Variants in ZNF521 observed in about 807,000 individuals in gnomAD.
ZNF521 encodes the protein LYST-interacting protein 3.
In ZNF521, 14 loss-of-function variants were observed where a neutral mutation model predicts 105.5. The ratio of observed to expected loss-of-function variants is 0.13; its 90% CI spans 0.09 to 0.21. The LOEUF is 0.21. Among genes scored for constraint, ZNF521 ranks in the 10% least tolerant of loss-of-function variants. ZNF521 has a pLI of 1.00. For missense variants in ZNF521, 1,233 were observed against 1,629.7 expected (o/e 0.76, Z 4.19); for synonymous variants, 635 against 606.0 (o/e 1.05, Z -0.70).
intron 5 of ZNF521, among the ~76,000 whole-genome samples, chr18:25,167,524 T>G (rs943120889): frequency 8.5e-5 from 13 of 152,234 alleles, no homozygotes; most frequent in African/African-American, 3.1e-4. Context: ...TTTGTCTTAT[T>G]TTTGGACAAA....
At chr18:25,345,078 A>G (rs561530449) in intron 2 of ZNF521, among the ~76,000 whole-genome samples, 3 of 152,232 alleles carry the variant, frequency 2.0e-5, no homozygotes, top group Non-Finnish European at 4.4e-5. Context: ...ACTTATGTCA[A>G]CAAGTATTTA....
intron 5 of ZNF521, among the ~76,000 whole-genome samples, chr18:25,112,654 G>C (rs66702172): frequency 6.6e-6 from 1 of 151,872 alleles, no homozygotes; most frequent in Non-Finnish European, 1.5e-5. Context: ...TGTGGGGTGC[G>C]GGGGGGCAGA....
At chr18:25,082,687 A>G in intron 7 of ZNF521, 1 of 416,232 alleles carries the variant, frequency 2.4e-6, no homozygotes, top group Non-Finnish European at 4.8e-6. Context: ...ATACACACAC[A>G]AAAAATTAGC....
In ZNF521 at chr18:25,224,425, C is replaced by T. The variant is rs757573315; in HGVS notation, c.3493G>A (p.Val1165Met). The T allele has an allele frequency of 3.8e-5, 61 of 1,613,844 alleles. No individual in the cohort carries two copies. The African/African-American group carries it at 6.0e-4, about 16-fold the overall frequency. ...NHIQTIHREL[V>M]PDSNSTQLKT... The stretch of plus-strand genomic sequence containing the variant: ...AACTGTGTGCTGTTGCTGTCTGGCA[C>T]GAGCTCTCGGTGGATGGTTTGGATG... Residue 1165 changes from valine to methionine, a missense_variant, in exon 4 of 8, where the codon GTG (valine) becomes ATG (methionine). Val to Met is a conservative substitution (Grantham distance 21, BLOSUM62 1). Coordinates refer to ENST00000361524, the MANE Select transcript of ZNF521 (RefSeq NM_015461.3).
chr18:25,132,853 T>C (rs1483832312), intron 5 of ZNF521, among the ~76,000 whole-genome samples: 1 of 152,174 alleles, frequency 6.6e-6, no homozygotes, highest in African/African-American at 2.4e-5. Flanking sequence ...TTTCAACTTA[T>C]CTAGCAAGAG....
At chr18:25,092,967 T>C (rs1484114415) in intron 5 of ZNF521, among the ~76,000 whole-genome samples, 2 of 152,170 alleles carry the variant, frequency 1.3e-5, no homozygotes, top group Non-Finnish European at 2.9e-5. Flanking sequence ...AATTGTAAGG[T>C]ATAAAAAACC....
rs570875850 is a variant in ZNF521 at position 25,226,685 on chromosome 18, G to C, written c.1233C>G (p.Asn411Lys). 2.5e-6 allele frequency: 4 copies of C among 1,614,178 alleles called. No individual in the cohort carries two copies. In the South Asian group the frequency reaches 3.3e-5, roughly 13 times the overall value. The change falls in exon 4 of 8, where the codon AAC (asparagine) becomes AAG (lysine). Residue 411 changes from asparagine (N) to lysine (K), a missense_variant. Around this residue, in one of 6 missense-constraint regions of ZNF521, gnomAD observed 380 missense variants for 478.0 expected, o/e 0.80. Transcript: ENST00000361524. The surrounding 1 kb of genome is among the most constrained non-coding windows in gnomAD (Gnocchi z 4.1). ...CTGCAAGACTTGAAAATAATTGTTT[G>C]TTGCAGTAAATACAGCTGTAGGTAA... ...AKVTYSCIYC[N>K]KQLFSSLAVL...
chr18:25,277,355 T>C (rs1008364692), intron 3 of ZNF521, among the ~76,000 whole-genome samples: 1 of 152,110 alleles, frequency 6.6e-6, no homozygotes. Context: ...TCCTTTCCTA[T>C]TGCCACAAAC....
intron 3 of ZNF521, among the ~76,000 whole-genome samples, chr18:25,260,213 C>T (rs1471666071): frequency 2.0e-5 from 3 of 152,006 alleles, no homozygotes; most frequent in Non-Finnish European, 4.4e-5. Context: ...CACTATGTGC[C>T]CCATGTCTCA....
intron 7 of ZNF521, 58 bp downstream of exon 7, chr18:25,089,407 T>C (rs1014312217): frequency 6.9e-6 from 9 of 1,313,388 alleles, no homozygotes; most frequent in Non-Finnish European, 8.8e-6. Context: ...AAAATGCCCC[T>C]GTTTACTATA....
Position 25,338,259 on chromosome 18 carries a change from T to TTGTGTGTGTGTGTGTGTGTGTGTG in ZNF521, c.40+12624_40+12647dup, listed in dbSNP as rs34813730. Among the ~76,000 whole-genome samples, 203 of 136,588 alleles carry TTGTGTGTGTGTGTGTGTGTGTGTG rather than the reference T, an allele frequency of 1.5e-3. 1 individual carries two copies. The highest frequency in any genetic ancestry group is 5.9e-3 in the East Asian group (26 of 4,404). The allele number at this position is 136,588 out of a possible 152,430, so 89.6% of individuals were successfully genotyped here. Reference sequence around the variant, plus strand: ...AATTCAAACAACCTCTCATAGACTTTTGTGTGTGTGTGTGTGTGTGTGTGT... The same window carrying TTGTGTGTGTGTGTGTGTGTGTGTG: ...AATTCAAACAACCTCTCATAGACTTTTGTGTGTGTGTGTGTGTGTGTGTGTGTGTGTGTGTGTGTGTGTGTGTGT... On this transcript the variant is annotated intron_variant, in intron 2 of 7. Coordinates refer to ENST00000361524, the MANE Select transcript of ZNF521 (RefSeq NM_015461.3).
chr18:25,305,683 T>G (rs1014428985), intron 3 of ZNF521, among the ~76,000 whole-genome samples: 1 of 152,212 alleles, frequency 6.6e-6, no homozygotes, highest in Non-Finnish European at 1.5e-5. Context: ...ACATTAATTC[T>G]TTTTGAATTT....
At chr18:25,201,572 T>C (rs914892789) in intron 4 of ZNF521, 5 of 152,214 alleles carry the variant, frequency 3.3e-5, no homozygotes, top group Non-Finnish European at 5.9e-5. Flanking sequence ...CATTGCTATA[T>C]GTTTGGAACA....
chr18:25,155,727 ATATATGTTTGGAT>A (rs2035131026), intron 5 of ZNF521, among the ~76,000 whole-genome samples: 1 of 152,064 alleles, frequency 6.6e-6, no homozygotes, highest in Non-Finnish European at 1.5e-5. Flanking sequence ...TTAGTTGTCC[ATATATGTTTGGAT>A]GTATGAACAA....
Position 25,062,752 on chromosome 18 carries a change from CAAAAAAAAAAAAAA to C in ZNF521, c.3907-25_3907-12del, listed in dbSNP as rs10540123. 3,865 of 363,202 alleles carry C rather than the reference CAAAAAAAAAAAAAA, an allele frequency of 0.011. 7 individuals are homozygous for C. Among genetic ancestry groups the C allele is most frequent in the Middle Eastern group, 0.019 (25 of 1,290 alleles). 22.5% of individuals were successfully genotyped at this position (363,202 alleles called of 1,614,324 possible). A position where few individuals can be genotyped will look rare whatever the true frequency, so the allele number is the denominator to read the frequency against. On this transcript the variant is annotated splice_polypyrimidine_tract_variant and intron_variant, in intron 7 of 7. Transcript: ENST00000361524. ...GGTCATTGTATGATTCTGTAAATAA[CAAAAAAAAAAAAAA>C]AAAAAAAAAAAAAAAAAAAGAGAAG...
At chr18:25,273,004 A>G (rs528501468) in intron 3 of ZNF521, among the ~76,000 whole-genome samples, 2 of 152,016 alleles carry the variant, frequency 1.3e-5, no homozygotes, top group East Asian at 3.9e-4. Flanking sequence ...AAGCAGGTGG[A>G]TCACTTGAGT....
chr18:25,350,948 C>G lies in ZNF521; in HGVS notation c.-1-1G>C. ...TTTCGCTTGCTTGCGGCGAGACATC[C>G]TAAAAGCAAACAGCTGAAGTTGTTT... On this transcript the variant is annotated splice_acceptor_variant, in intron 1 of 7. Coordinates refer to ENST00000361524, the MANE Select transcript of ZNF521 (RefSeq NM_015461.3). LOFTEE classifies it low-confidence loss of function (5UTR_SPLICE). 6.5e-7 allele frequency: 1 copy of G among 1,548,834 alleles called. No individual in the cohort carries two copies.
At chr18:25,113,793 C>CACAG (rs1053377440) in intron 5 of ZNF521, among the ~76,000 whole-genome samples, 2 of 147,964 alleles carry the variant, frequency 1.4e-5, no homozygotes, top group South Asian at 2.2e-4. Context: ...CACACACACA[C>CACAG]AGAGACGGGG....
intron 3 of ZNF521, among the ~76,000 whole-genome samples, chr18:25,263,038 A>G (rs1909015156): frequency 6.6e-6 from 1 of 152,178 alleles, no homozygotes; most frequent in Non-Finnish European, 1.5e-5. Context: ...TCTGTTTTGT[A>G]ATTATTTGCT....
Sources: gnomAD v4.1 joint callset for allele counts (sites outside exome capture counted in the v4.1 genomes callset) on GRCh38, gnomAD v4.1.1 for gene constraint, gnomAD v4.1.1 regional missense constraint, Gnocchi (gnomAD v3.1) non-coding constraint, MANE v1.5 for transcripts, NCBI Gene and HGNC (gene_info 2026-07-23, HGNC 2026-07-21) for gene names.